Variants in SLC20A2 observed in about 807,000 individuals in gnomAD.
SLC20A2 encodes the protein solute carrier family 20 member 2.
In SLC20A2, 30 loss-of-function variants were observed where a neutral mutation model predicts 61.0. The ratio of observed to expected loss-of-function variants is 0.49; its 90% CI spans 0.37 to 0.67. The LOEUF is 0.67. SLC20A2 is among the 30% of genes least tolerant of loss of function. The probability of loss-of-function intolerance (pLI) is 0.00; values close to 1 mark genes in which losing one functional copy is unlikely to be tolerated. For synonymous variants in SLC20A2, 351 were observed against 353.3 expected (o/e 0.99, Z 0.07); for missense variants, 626 against 866.4 (o/e 0.72, Z 3.48).
intron 5 of SLC20A2, among the ~76,000 whole-genome samples, chr8:42,446,907 A>C (rs1485485823): frequency 6.6e-6 from 1 of 152,222 alleles, no homozygotes; most frequent in Non-Finnish European, 1.5e-5. Context: ...TATATACTAT[A>C]AGAATGTCAC....
intron 1 of SLC20A2, among the ~76,000 whole-genome samples, chr8:42,476,559 C>T (rs1194136374): frequency 1.3e-5 from 2 of 152,126 alleles, no homozygotes; most frequent in Non-Finnish European, 2.9e-5. Context: ...CCCCGAGCAG[C>T]TTCGCCATGG....
intron 1 of SLC20A2, among the ~76,000 whole-genome samples, chr8:42,510,226 A>T (rs114001056): frequency 0.016 from 2,439 of 152,308 alleles, 58 homozygotes; most frequent in African/African-American, 0.055. Context: ...AACCCATTAA[A>T]AGTGCTTGAA....
At chr8:42,537,091 T>C (rs958697289) in intron 1 of SLC20A2, among the ~76,000 whole-genome samples, 1 of 149,674 alleles carries the variant, frequency 6.7e-6, no homozygotes, top group Admixed American at 6.7e-5. Flanking sequence ...AAAAAAAGAT[T>C]CTACAAAAAG....
chr8:42,535,834 T>C (rs906866555), intron 1 of SLC20A2, among the ~76,000 whole-genome samples: 1 of 152,242 alleles, frequency 6.6e-6, no homozygotes, highest in Non-Finnish European at 1.5e-5. Flanking sequence ...AGGAGTTAAG[T>C]GAAGACATCT....
At chr8:42,477,204 G>A (rs966183178) in intron 1 of SLC20A2, among the ~76,000 whole-genome samples, 3 of 152,132 alleles carry the variant, frequency 2.0e-5, no homozygotes, top group African/African-American at 7.2e-5. Context: ...TTATTGTGAG[G>A]AACAAACTTA....
intron 1 of SLC20A2, among the ~76,000 whole-genome samples, chr8:42,526,556 T>C (rs987721294): frequency 5.3e-5 from 8 of 151,336 alleles, no homozygotes; most frequent in East Asian, 2.0e-4. Flanking sequence ...ACCTGTAGTC[T>C]CAGCTACTCG....
intron 1 of SLC20A2, among the ~76,000 whole-genome samples, chr8:42,511,075 G>A (rs1267073420): frequency 2.0e-5 from 3 of 152,008 alleles, no homozygotes; most frequent in Non-Finnish European, 4.4e-5. Flanking sequence ...ATGCCTGAAA[G>A]GACCCTCAAA....
intron 5 of SLC20A2, among the ~76,000 whole-genome samples, chr8:42,449,608 C>A (rs1805491912): frequency 6.6e-6 from 1 of 152,168 alleles, no homozygotes; most frequent in Non-Finnish European, 1.5e-5. Flanking sequence ...ATATCATGAC[C>A]CATCATCTCC....
chr8:42,471,273 C>T (rs1022277451), intron 2 of SLC20A2: 18 of 455,084 alleles, frequency 4.0e-5, no homozygotes, highest in South Asian at 1.9e-4. Context: ...TCTTTTCTGT[C>T]GTAGCGAGGG....
chr8:42,523,394 A>G (rs561725546), intron 1 of SLC20A2, among the ~76,000 whole-genome samples: 4 of 152,204 alleles, frequency 2.6e-5, no homozygotes, highest in Non-Finnish European at 5.9e-5. Context: ...CAGTATGTGA[A>G]CAAACAGAGG....
At chr8:42,536,935 C>T (rs1335614525) in intron 1 of SLC20A2, among the ~76,000 whole-genome samples, 2 of 151,872 alleles carry the variant, frequency 1.3e-5, no homozygotes, top group Admixed American at 6.6e-5. Context: ...ATTAGCTGGG[C>T]GTAGTGGCAA....
At chr8:42,463,396 G>A (rs536211263) in intron 3 of SLC20A2, 3 of 210,276 alleles carry the variant, frequency 1.4e-5, no homozygotes, top group South Asian at 1.5e-4. Flanking sequence ...TGCCTCCCAC[G>A]GAGTCTTTCT....
At chr8:42,530,364 T>C (rs760621515) in intron 1 of SLC20A2, among the ~76,000 whole-genome samples, 22 of 152,210 alleles carry the variant, frequency 1.4e-4, no homozygotes, top group Admixed American at 3.9e-4. Context: ...TCAGGAAATA[T>C]ACTCAGGTTG....
In SLC20A2 at chr8:42,481,927, A is replaced by C. The variant is rs375773647; in HGVS notation, c.-264-9273T>G. Among the ~76,000 whole-genome samples, 9 of 152,290 alleles carry C rather than the reference A, an allele frequency of 5.9e-5. No individual in the cohort carries two copies. The South Asian group carries it at 1.5e-3, about 25-fold the overall frequency. On this transcript the variant is annotated intron_variant, in intron 1 of 10. Coordinates refer to ENST00000520262, the MANE Select transcript of SLC20A2 (RefSeq NM_001257180.2). ...CATTTCCACAGGGAAGTTTCTTCCC[A>C]GCCGTAAAGCTTCTGTGATATTTAG...
intron 1 of SLC20A2, among the ~76,000 whole-genome samples, chr8:42,509,393 G>A (rs1057222794): frequency 6.6e-6 from 1 of 152,044 alleles, no homozygotes; most frequent in African/African-American, 2.4e-5. Flanking sequence ...CACACTGGAA[G>A]CTTTCTCCTT....
At chr8:42,447,448 C>T (rs552688738) in intron 5 of SLC20A2, among the ~76,000 whole-genome samples, 48 of 152,092 alleles carry the variant, frequency 3.2e-4, no homozygotes, top group South Asian at 1.2e-3. Context: ...GAGGCCAAGG[C>T]GGGCAGATCA....
chr8:42,451,637 TGAA>T (rs751200961), intron 5 of SLC20A2, among the ~76,000 whole-genome samples: 6 of 83,072 alleles, frequency 7.2e-5, no homozygotes, highest in Non-Finnish European at 1.3e-4. Flanking sequence ...GAGGAAGAGA[TGAA>T]GAGGAAGAGG....
At chr8:42,422,977 C>T (rs1205975214) in intron 10 of SLC20A2, among the ~76,000 whole-genome samples, 1 of 152,106 alleles carries the variant, frequency 6.6e-6, no homozygotes. Context: ...TTTCTTACAA[C>T]CTGTTTCCTC....
intron 6 of SLC20A2, among the ~76,000 whole-genome samples, chr8:42,442,693 G>T (rs189724755): frequency 2.0e-5 from 3 of 152,200 alleles, no homozygotes; most frequent in Admixed American, 2.0e-4. Context: ...CTTTCTACAT[G>T]AACTTTAAAA....
Sources: allele counts gnomAD v4.1 joint callset (sites outside exome capture counted in the v4.1 genomes callset), GRCh38; gene constraint gnomAD v4.1.1; transcripts MANE v1.5; gene names NCBI Gene and HGNC (gene_info 2026-07-23, HGNC 2026-07-21).